FARSB: variants seen among roughly 807,000 people sequenced by gnomAD.
FARSB encodes phenylalanine--tRNA ligase beta subunit.
FARSB carries 40 observed loss-of-function variants against 69.6 expected under a neutral mutation model. That is an observed-to-expected ratio of 0.57 (90% CI 0.45 to 0.75). The LOEUF is 0.75. FARSB is among the 30% of genes least tolerant of loss of function. FARSB has a pLI of 0.00. For synonymous variants in FARSB, 235 were observed against 247.2 expected, an observed-to-expected ratio of 0.95 and a Z score of 0.46; for missense variants, 632 against 722.9, an observed-to-expected ratio of 0.87 and a Z score of 1.44.
At chr2:222,625,299 G>A (rs888771250) in intron 10 of FARSB, among the ~76,000 whole-genome samples, 7 of 152,122 alleles carry the variant, frequency 4.6e-5, no homozygotes, top group South Asian at 2.1e-4. Flanking sequence ...TAACTCCACC[G>A]TATTAGTGAG....
chr2:222,632,153 A>T (rs766704775), intron 7 of FARSB, among the ~76,000 whole-genome samples: 2 of 152,062 alleles, frequency 1.3e-5, no homozygotes, highest in Non-Finnish European at 2.9e-5. Context: ...TAAAAAAAAA[A>T]CCTAACATCT....
intron 16 of FARSB, among the ~76,000 whole-genome samples, chr2:222,575,880 C>T (rs754713208): frequency 6.6e-6 from 1 of 152,120 alleles, no homozygotes; most frequent in Non-Finnish European, 1.5e-5. Flanking sequence ...AGCACCCAGG[C>T]TTTAGCACAT....
At chr2:222,608,542 T>G (rs900097451) in intron 15 of FARSB, among the ~76,000 whole-genome samples, 27 of 152,184 alleles carry the variant, frequency 1.8e-4, no homozygotes, top group African/African-American at 6.5e-4. Context: ...TGTTCTGTGA[T>G]GGCCTTGGTG....
At chr2:222,572,049 T>TCAA (rs1291190847) in intron 16 of FARSB, 27 bp from the exon 17 acceptor site, 1 of 1,600,582 alleles carries the variant, frequency 6.2e-7, no homozygotes, top group Non-Finnish European at 8.5e-7. Context: ...AAGAGAAAAA[T>TCAA]CAATGTTTCT....
At chr2:222,629,099 A>C (rs1409807393) in intron 9 of FARSB, among the ~76,000 whole-genome samples, 1 of 152,158 alleles carries the variant, frequency 6.6e-6, no homozygotes, top group Admixed American at 6.5e-5. Context: ...CTTTTCAGGC[A>C]CCACCTACTT....
Position 222,571,903 on chromosome 2 carries a change from A to T in FARSB, c.1738T>A (p.Ser580Thr). The T allele has an allele frequency of 6.2e-7, 1 of 1,613,502 alleles. No homozygotes were observed. Among genetic ancestry groups the T allele is most frequent in the Non-Finnish European group, 8.5e-7 (1 of 1,179,672 alleles). The stretch of plus-strand genomic sequence containing the variant: ...AAGGGTCCAACATTGATTTCTAGGG[A>T]GGAGCAGGGCATGGTCAGCTCAAAT... ...TKFELTMPCS[S>T]LEINVGPFL The change falls in exon 17 of 17, where the codon TCC becomes ACC. Residue 580 changes from serine to threonine, a missense_variant. Transcript: ENST00000281828.
intron 8 of FARSB, among the ~76,000 whole-genome samples, chr2:222,631,168 T>C (rs571495871): frequency 6.6e-6 from 1 of 151,314 alleles, no homozygotes; most frequent in South Asian, 2.1e-4. Flanking sequence ...ATAAAGCTTC[T>C]TCATCGCCAG....
At chr2:222,582,307 CAAAG>C (rs1689989254) in intron 16 of FARSB, among the ~76,000 whole-genome samples, 1 of 152,086 alleles carries the variant, frequency 6.6e-6, no homozygotes. Flanking sequence ...TCAGGTAAAA[CAAAG>C]AAAGGTACAG....
chr2:222,586,634 C>A (rs1233425805), intron 16 of FARSB, among the ~76,000 whole-genome samples: 1 of 152,062 alleles, frequency 6.6e-6, no homozygotes, highest in Non-Finnish European at 1.5e-5. Context: ...CAGAGATACA[C>A]ACAGGCTCAA....
At chr2:222,623,775 GT>G (rs1299128446) in intron 12 of FARSB, 45 bp from the exon 13 acceptor site, 3 of 1,241,000 alleles carry the variant, frequency 2.4e-6, no homozygotes, top group African/African-American at 3.0e-5. Flanking sequence ...ATTATTTCTT[GT>G]TTTTTAAAAG....
chr2:222,611,330 A>C (rs1478383666), intron 15 of FARSB, among the ~76,000 whole-genome samples: 2 of 152,128 alleles, frequency 1.3e-5, no homozygotes, highest in African/African-American at 2.4e-5. Context: ...TATCCTTCCC[A>C]ACGAAACAAA....
chr2:222,588,915 C>T lies in FARSB; in HGVS notation c.1618+11013G>A, dbSNP rs577268869. ...GCTCATGGATAGGAAGAATCAATAT[C>T]GTGAAAATGGCCATACTGCCCAAGG... On this transcript the variant is annotated intron_variant, in intron 16 of 16. Coordinates refer to ENST00000281828, the MANE Select transcript of FARSB (RefSeq NM_005687.5). 3.5e-3 allele frequency among the ~76,000 whole-genome samples: 537 copies of T among 152,204 alleles called. 4 individuals carry two copies. Among genetic ancestry groups the T allele is most frequent in the African/African-American group, 0.012 (509 of 41,526 alleles).
At chr2:222,595,302 A>G (rs1470640476) in intron 16 of FARSB, among the ~76,000 whole-genome samples, 2 of 152,198 alleles carry the variant, frequency 1.3e-5, no homozygotes, top group Admixed American at 1.3e-4. Context: ...ATATATTTCC[A>G]AGCTCATGTT....
Position 222,569,345 on chromosome 2 carries a change from G to C in FARSB, c.*2526C>G, listed in dbSNP as rs929350087. On this transcript the variant is annotated 3_prime_UTR_variant, in exon 17 of 17. Coordinates refer to ENST00000281828, the MANE Select transcript of FARSB (RefSeq NM_005687.5). Reference sequence around the variant, plus strand: ...CCTACTTCAACAAGGGCTATCATATGATGATCCATAAGCCATGATTTTAAC... The same window carrying C: ...CCTACTTCAACAAGGGCTATCATATCATGATCCATAAGCCATGATTTTAAC... 2.0e-5 allele frequency: 3 copies of C among 152,140 alleles called. No individual in the cohort carries two copies. Among genetic ancestry groups the C allele is most frequent in the Non-Finnish European group, 2.9e-5 (2 of 68,016 alleles). 9.4% of individuals were successfully genotyped at this position (152,140 alleles called of 1,614,324 possible). A position where few individuals can be genotyped will look rare whatever the true frequency, so the allele number is the denominator to read the frequency against.
At position 222,639,666 on chromosome 2, in the gene FARSB, T is replaced by A. The variant is rs35668559; in HGVS notation, c.369A>T (p.Ala123=). Residue 123 remains alanine, a synonymous_variant, in exon 5 of 17, where the codon GCA becomes GCT. Transcript: ENST00000281828. ...ETAKIRPFAV[A]AVLRNIKFTK... is the part of the protein sequence containing the mutation. The stretch of plus-strand genomic sequence containing the variant: ...TAAACTTTATATTACGGAGAACTGC[T>A]GCTACCGCAAAAGGACGTATCTTAG... 4 of 1,580,654 alleles carry A rather than the reference T, an allele frequency of 2.5e-6. No individual in the cohort carries two copies. Among genetic ancestry groups the A allele is most frequent in the Non-Finnish European group, 3.4e-6 (4 of 1,159,854 alleles).
At position 222,619,676 on chromosome 2, in the gene FARSB, T is replaced by G. The variant is rs371470405; in HGVS notation, c.1313A>C (p.His438Pro). Reference sequence around the variant, plus strand: ...TTCAGCTGTTTTAGGATTACTTATGTGGACTGCCTTTGTTGCAGAGATATC... The same window carrying G: ...TTCAGCTGTTTTAGGATTACTTATGGGGACTGCCTTTGTTGCAGAGATATC... ...GVDISATKAVHISNPKTAEFQ... is the reference protein window; with the variant it reads ...GVDISATKAVPISNPKTAEFQ... The change falls in exon 14 of 17, where the codon CAC becomes CCC. Residue 438 changes from histidine to proline, a missense_variant. His to Pro is a moderately conservative substitution (Grantham distance 77). Coordinates refer to ENST00000281828, the MANE Select transcript of FARSB (RefSeq NM_005687.5). 1 of 1,605,892 alleles carries G rather than the reference T, an allele frequency of 6.2e-7. No individual in the cohort carries two copies. The highest frequency in any genetic ancestry group is 1.3e-5 in the African/African-American group (1 of 74,884).
In FARSB at chr2:222,571,501, G is replaced by C. The variant is rs552374182; in HGVS notation, c.*370C>G. 33 of 160,080 alleles carry C rather than the reference G, an allele frequency of 2.1e-4. 1 individual carries two copies. Among genetic ancestry groups the C allele is most frequent in the Non-Finnish European group, 4.5e-4 (33 of 73,570 alleles). The allele number at this position is 160,080 out of a possible 1,614,324, so 9.9% of individuals were successfully genotyped here. ...AACATGAATTCTCATCGATTATCTT[G>C]TTTTATCAATAAGGAAAGAAATGGG... On this transcript the variant is annotated 3_prime_UTR_variant, in exon 17 of 17. Coordinates refer to ENST00000281828, the MANE Select transcript of FARSB (RefSeq NM_005687.5).
intron 1 of FARSB, among the ~76,000 whole-genome samples, chr2:222,654,138 CA>C (rs1448766423): frequency 1.3e-5 from 2 of 152,058 alleles, no homozygotes; most frequent in African/African-American, 4.8e-5. Context: ...ATGTTTTGAA[CA>C]AATATTTGCC....
intron 16 of FARSB, among the ~76,000 whole-genome samples, chr2:222,587,131 A>G (rs1401538666): frequency 2.0e-5 from 3 of 152,222 alleles, no homozygotes; most frequent in South Asian, 2.1e-4. Context: ...AGCAAATGTA[A>G]AAGAACAGAA....
Sources: allele counts gnomAD v4.1 joint callset (sites outside exome capture counted in the v4.1 genomes callset), GRCh38; gene constraint gnomAD v4.1.1; transcripts MANE v1.5; gene names NCBI Gene and HGNC (gene_info 2026-07-23, HGNC 2026-07-21).